RPS6KC1: variants seen among roughly 807,000 people sequenced by gnomAD.
RPS6KC1 encodes ribosomal protein S6 kinase C1, also known as inactive ribosomal protein S6 kinase delta-1.
Under a neutral mutation model 103.8 loss-of-function variants are expected in RPS6KC1, and 54 were observed. The ratio of observed to expected loss-of-function variants is 0.52; its 90% confidence interval spans 0.42 to 0.65. RPS6KC1 has a LOEUF of 0.65. RPS6KC1 is among the 30% of genes least tolerant of loss of function. The pLI, the probability that RPS6KC1 is intolerant of heterozygous loss-of-function variation, is 0.00. For missense variants in RPS6KC1, 1,151 were observed against 1,253.8 expected, an observed-to-expected ratio of 0.92 and a Z score of 1.24; for synonymous variants, 439 against 438.7, an observed-to-expected ratio of 1.00 and a Z score of -0.01.
At chr1:213,726,674 C>T in the RPS6KC1 span, among the ~76,000 whole-genome samples, 6 of 152,186 alleles carry the variant, frequency 3.9e-5, no homozygotes, top group South Asian at 2.1e-4. Context: ...TTTGGTGTGC[C>T]TATGTCTGTA....
chr1:213,282,865 AC>A, the RPS6KC1 span, among the ~76,000 whole-genome samples: 1 of 152,256 alleles, frequency 6.6e-6, no homozygotes, highest in African/African-American at 2.4e-5. Flanking sequence ...TGACCAGATT[AC>A]ATATGCTTTC....
Position 213,215,749 on chromosome 1 carries a change from T to C in RPS6KC1, c.1045-14748T>C, listed in dbSNP as rs374646345. On this transcript the variant is annotated intron_variant, in intron 8 of 14. Coordinates refer to ENST00000366960, the MANE Select transcript of RPS6KC1 (RefSeq NM_012424.6). ...CAACATTCTTAAAGAAAAGAATTTT[T>C]AACCCAGAATTTCATATCCAGCCAA... is the stretch of plus-strand genomic sequence containing the variant. 6.0e-3 allele frequency among the ~76,000 whole-genome samples: 917 copies of C among 152,262 alleles called. 10 individuals are homozygous for C. Among genetic ancestry groups the C allele is most frequent in the African/African-American group, 0.017 (722 of 41,548 alleles).
chr1:213,274,187 C>G lies in RPS6KC1; in HGVS notation c.*1553C>G, dbSNP rs567575894. 6.6e-6 allele frequency: 1 copy of G among 152,200 alleles called. No individual in the cohort carries two copies. The highest frequency in any genetic ancestry group is 6.5e-5 in the Admixed American group (1 of 15,280). 9.4% of individuals were successfully genotyped at this position (152,200 alleles called of 1,614,324 possible). A position where few individuals can be genotyped will look rare whatever the true frequency, so the allele number is the denominator to read the frequency against. The stretch of plus-strand genomic sequence containing the variant: ...GGAGCAGGTCACCAGGATCATAGTT[C>G]AGTCAAAATGACATCACTCCCTGGA... On this transcript the variant is annotated 3_prime_UTR_variant, in exon 15 of 15. Coordinates refer to ENST00000366960, the MANE Select transcript of RPS6KC1 (RefSeq NM_012424.6).
intron 8 of RPS6KC1, among the ~76,000 whole-genome samples, chr1:213,219,361 AG>A (rs1040372487): frequency 1.3e-5 from 2 of 152,226 alleles, no homozygotes; most frequent in Admixed American, 1.3e-4. Flanking sequence ...AGGAAACAAC[AG>A]GTGCTGGAAA....
the RPS6KC1 span, among the ~76,000 whole-genome samples, chr1:213,511,356 G>T: frequency 6.6e-6 from 1 of 152,160 alleles, no homozygotes; most frequent in South Asian, 2.1e-4. Context: ...GCAAGCCGGG[G>T]CTGGCCATCC....
intron 1 of RPS6KC1, among the ~76,000 whole-genome samples, chr1:213,067,467 A>G (rs1392894801): frequency 2.6e-5 from 4 of 152,188 alleles, no homozygotes; most frequent in Admixed American, 2.0e-4. Flanking sequence ...TATTATCATG[A>G]AGACATTAAG....
the RPS6KC1 span, among the ~76,000 whole-genome samples, chr1:213,679,319 A>C: frequency 6.6e-6 from 1 of 152,196 alleles, no homozygotes; most frequent in Admixed American, 6.5e-5. Context: ...TTAAAAACAC[A>C]CCAAACCACA....
chr1:213,855,987 G>A, the RPS6KC1 span, among the ~76,000 whole-genome samples: 73 of 152,342 alleles, frequency 4.8e-4, 1 homozygote, highest in African/African-American at 1.8e-3. Context: ...AGAGGCTGCA[G>A]GGAGTGGAGA....
the RPS6KC1 span, among the ~76,000 whole-genome samples, chr1:213,308,731 G>A: frequency 1.3e-5 from 2 of 152,140 alleles, no homozygotes; most frequent in Non-Finnish European, 2.9e-5. Context: ...GTCCCTACTC[G>A]AACATCTCTC....
the RPS6KC1 span, among the ~76,000 whole-genome samples, chr1:213,637,642 G>A: frequency 1.3e-4 from 20 of 152,178 alleles, no homozygotes; most frequent in Admixed American, 5.2e-4. Flanking sequence ...TTAACTGTAC[G>A]AAACCGTGAA....
chr1:213,407,679 A>G, the RPS6KC1 span, among the ~76,000 whole-genome samples: 1 of 152,126 alleles, frequency 6.6e-6, no homozygotes. Context: ...TTTTTGTTCT[A>G]GTGTTTTGGA....
the RPS6KC1 span, among the ~76,000 whole-genome samples, chr1:213,472,171 C>T: frequency 6.6e-6 from 1 of 152,060 alleles, no homozygotes; most frequent in African/African-American, 2.4e-5. Flanking sequence ...TGATTTTTTT[C>T]TAGGATGCTT....
the RPS6KC1 span, among the ~76,000 whole-genome samples, chr1:213,684,961 C>G: frequency 6.6e-6 from 1 of 152,184 alleles, no homozygotes; most frequent in Non-Finnish European, 1.5e-5. Flanking sequence ...TGAGCCAGTT[C>G]CCGAATGCCG....
chr1:213,652,498 C>T, the RPS6KC1 span, among the ~76,000 whole-genome samples: 1 of 152,194 alleles, frequency 6.6e-6, no homozygotes, highest in African/African-American at 2.4e-5. Context: ...CATATAAATA[C>T]ACCTTAGAGG....
the RPS6KC1 span, among the ~76,000 whole-genome samples, chr1:213,763,904 C>G: frequency 6.6e-6 from 1 of 152,208 alleles, no homozygotes; most frequent in Non-Finnish European, 1.5e-5. Flanking sequence ...ATTTTATCTT[C>G]ATGTAGACAT....
chr1:213,621,237 C>T, the RPS6KC1 span, among the ~76,000 whole-genome samples: 1 of 152,106 alleles, frequency 6.6e-6, no homozygotes, highest in Admixed American at 6.5e-5. Context: ...AATGGCATTC[C>T]CCACTAAAAG....
the RPS6KC1 span, among the ~76,000 whole-genome samples, chr1:213,352,199 A>G: frequency 6.6e-6 from 1 of 152,170 alleles, no homozygotes; most frequent in Non-Finnish European, 1.5e-5. Context: ...TCAGTGTAGT[A>G]AACAATGTGT....
the RPS6KC1 span, among the ~76,000 whole-genome samples, chr1:213,561,730 A>G: frequency 6.6e-6 from 1 of 152,196 alleles, no homozygotes; most frequent in South Asian, 2.1e-4. Context: ...ACCCACTAAT[A>G]CATAACCCAG....
chr1:213,689,778 C>T, the RPS6KC1 span, among the ~76,000 whole-genome samples: 1 of 152,128 alleles, frequency 6.6e-6, no homozygotes, highest in Non-Finnish European at 1.5e-5. Context: ...ATAGTTCTGC[C>T]GCAGGTCCTA....
Sources: allele counts gnomAD v4.1 joint callset (sites outside exome capture counted in the v4.1 genomes callset), GRCh38; gene constraint gnomAD v4.1.1; transcripts MANE v1.5; gene names NCBI Gene and HGNC (gene_info 2026-07-23, HGNC 2026-07-21).